NLGN4Y: variants seen among roughly 807,000 people sequenced by gnomAD.
NLGN4Y encodes the protein neuroligin-4, Y-linked.
NLGN4Y carries 4 observed loss-of-function variants against 8.4 expected under a neutral mutation model. The observed-to-expected ratio is 0.48, with a 90% CI of 0.23 to 1.09. The LOEUF (loss-of-function observed/expected upper bound fraction) is 1.09. Among genes scored for constraint, NLGN4Y ranks in the 50% least tolerant of loss-of-function variants. The pLI, the probability that NLGN4Y is intolerant of heterozygous loss-of-function variation, is 0.19. For synonymous variants in NLGN4Y, 35 were observed against 75.6 expected (o/e 0.46, Z 2.78); for missense variants, 90 against 192.3 (o/e 0.47, Z 3.15).
chrY:14,712,072 T>TA (rs745558687), intron 2 of NLGN4Y, among the ~76,000 whole-genome samples: 32 of 15,808 alleles, frequency 2.0e-3, no homozygotes, highest in Non-Finnish European at 3.1e-3. Flanking sequence ...GAACTCCATC[T>TA]AAAAAAAAAA....
At chrY:14,592,561 C>T in intron 1 of NLGN4Y, among the ~76,000 whole-genome samples, 1 of 32,058 alleles carries the variant, frequency 3.1e-5, no homozygotes, top group South Asian at 7.5e-4. Flanking sequence ...AAGTTTAACT[C>T]GGGTGTGGTG....
chrY:14,671,565 C>T, intron 2 of NLGN4Y, among the ~76,000 whole-genome samples: 1 of 29,419 alleles, frequency 3.4e-5, no homozygotes, highest in Admixed American at 3.2e-4. Context: ...GAAAGAAAAA[C>T]GCTGGGCATG....
At chrY:14,543,354 T>C (rs1005322750) in intron 1 of NLGN4Y, among the ~76,000 whole-genome samples, 1 of 34,393 alleles carries the variant, frequency 2.9e-5, no homozygotes, top group Non-Finnish European at 7.3e-5. Context: ...TTAACTGATA[T>C]AGATTTCTTA....
At chrY:14,732,796 A>C (rs2080977156) in intron 4 of NLGN4Y, among the ~76,000 whole-genome samples, 4 of 33,138 alleles carry the variant, frequency 1.2e-4, no homozygotes. Flanking sequence ...AGATCAATGC[A>C]TCTTGATCCT....
intron 1 of NLGN4Y, among the ~76,000 whole-genome samples, chrY:14,594,240 G>A (rs2080386046): frequency 3.0e-5 from 1 of 33,586 alleles, no homozygotes; most frequent in Non-Finnish European, 7.4e-5. Context: ...CCTTCTGTTG[G>A]ATCATCTGGT....
intron 2 of NLGN4Y, among the ~76,000 whole-genome samples, chrY:14,686,740 T>C: frequency 3.0e-5 from 1 of 32,883 alleles, no homozygotes; most frequent in Non-Finnish European, 7.5e-5. Context: ...ATATTGTCTC[T>C]GCACAGTAAA....
At chrY:14,754,385 T>C in intron 4 of NLGN4Y, among the ~76,000 whole-genome samples, 1 of 33,075 alleles carries the variant, frequency 3.0e-5, no homozygotes, top group Non-Finnish European at 7.4e-5. Context: ...AATAAATAAA[T>C]AAACAAACAA....
At chrY:14,818,491 C>T (rs748322790) in intron 4 of NLGN4Y, among the ~76,000 whole-genome samples, 2 of 32,911 alleles carry the variant, frequency 6.1e-5, no homozygotes, top group South Asian at 1.4e-3. Context: ...TCCTGGTCCT[C>T]AATGGTTAAA....
At chrY:14,826,628 C>T (rs1019336352) in intron 5 of NLGN4Y, among the ~76,000 whole-genome samples, 6 of 33,684 alleles carry the variant, frequency 1.8e-4, no homozygotes, top group Non-Finnish European at 7.3e-5. Flanking sequence ...AAGTTATCAG[C>T]TGGGTAAGGT....
chrY:14,713,057 G>A (rs2080904666), intron 2 of NLGN4Y, among the ~76,000 whole-genome samples: 1 of 33,468 alleles, frequency 3.0e-5, no homozygotes, highest in African/African-American at 1.2e-4. Flanking sequence ...AATTGCCCCG[G>A]GAGGAGCAAT....
chrY:14,807,337 A>G (rs2043061318), intron 4 of NLGN4Y, among the ~76,000 whole-genome samples: 1 of 32,061 alleles, frequency 3.1e-5, no homozygotes, highest in Non-Finnish European at 7.5e-5. Context: ...AATATATGTG[A>G]TATTTTATCT....
intron 2 of NLGN4Y, among the ~76,000 whole-genome samples, chrY:14,707,676 A>C: frequency 3.0e-5 from 1 of 32,877 alleles, no homozygotes; most frequent in Non-Finnish European, 7.5e-5. Flanking sequence ...AATTCAAAAA[A>C]AATGGGAGAT....
intron 4 of NLGN4Y, among the ~76,000 whole-genome samples, chrY:14,800,089 A>G: frequency 3.0e-5 from 1 of 33,113 alleles, no homozygotes; most frequent in East Asian, 7.9e-4. Flanking sequence ...AGTGTATTAA[A>G]TTCGAGGATA....
chrY:14,569,293 A>G (rs2080261960), intron 1 of NLGN4Y, among the ~76,000 whole-genome samples: 1 of 32,666 alleles, frequency 3.1e-5, no homozygotes, highest in African/African-American at 1.2e-4. Context: ...CCAGTCTAGT[A>G]GTCCCTGTGC....
chrY:14,567,418 G>T, intron 1 of NLGN4Y, among the ~76,000 whole-genome samples: 1 of 30,764 alleles, frequency 3.3e-5, no homozygotes, highest in African/African-American at 1.3e-4. Context: ...TTAGTAGAGA[G>T]AGGTTTCTCC....
intron 2 of NLGN4Y, among the ~76,000 whole-genome samples, chrY:14,644,554 G>T: frequency 3.0e-5 from 1 of 33,227 alleles, no homozygotes; most frequent in Non-Finnish European, 7.4e-5. Context: ...GTTAATCTCA[G>T]AGCACATCCT....
intron 2 of NLGN4Y, among the ~76,000 whole-genome samples, chrY:14,656,968 G>A: frequency 6.2e-5 from 2 of 32,149 alleles, no homozygotes; most frequent in African/African-American, 2.4e-4. Flanking sequence ...TGCTTTCTAT[G>A]TTTATATTTT....
intron 2 of NLGN4Y, among the ~76,000 whole-genome samples, chrY:14,646,637 G>A: frequency 3.0e-5 from 1 of 33,797 alleles, no homozygotes; most frequent in Admixed American, 2.7e-4. Flanking sequence ...CAATGATCTG[G>A]CCCCTAATGT....
At chrY:14,818,521 G>T (rs1444131455) in intron 4 of NLGN4Y, among the ~76,000 whole-genome samples, 1 of 32,962 alleles carries the variant, frequency 3.0e-5, no homozygotes, top group East Asian at 8.3e-4. Flanking sequence ...GGCTCAGTGA[G>T]GGGGACAAAA....
Sources: allele counts gnomAD v4.1 joint callset (sites outside exome capture counted in the v4.1 genomes callset), GRCh38; gene constraint gnomAD v4.1.1; transcripts MANE v1.5; gene names NCBI Gene and HGNC (gene_info 2026-07-23, HGNC 2026-07-21).